The following RGS12 variants were observed in gnomAD, a reference collection of about 807,000 sequenced individuals.
The protein encoded by RGS12 is regulator of G protein signaling 12.
A neutral mutation model predicts 120.1 loss-of-function variants in RGS12; 66 were observed. That is an observed-to-expected ratio of 0.55 (90% confidence interval 0.45 to 0.67). The LOEUF (loss-of-function observed/expected upper bound fraction) is 0.67, where lower values mean the gene tolerates loss of function less well. Among genes scored for constraint, RGS12 ranks in the 30% least tolerant of loss-of-function variants. The probability of loss-of-function intolerance (pLI) is 0.00; values close to 1 mark genes in which losing one functional copy is unlikely to be tolerated. For missense variants in RGS12, 1,859 were observed against 1,957.7 expected (o/e 0.95, Z 0.95); for synonymous variants, 827 against 804.7 (o/e 1.03, Z -0.47).
chr4:3,320,967 AGAG>A (rs1725142062), intron 2 of RGS12, among the ~76,000 whole-genome samples: 1 of 152,172 alleles, frequency 6.6e-6, no homozygotes, highest in Non-Finnish European at 1.5e-5. Context: ...GGGAGAGAGC[AGAG>A]GAGGCCCCTG....
Position 3,382,403 on chromosome 4 carries a change from C to T in RGS12, c.1999-4013C>T, listed in dbSNP as rs139845583. Among the ~76,000 whole-genome samples the T allele has an allele frequency of 7.8e-4, 119 of 152,272 alleles. 1 individual carries two copies. Among genetic ancestry groups the T allele is most frequent in the African/African-American group, 2.4e-3 (101 of 41,552 alleles). ...GACAAGCCCAGCCGTGGCCTGGAAG[C>T]GACACTGATGATTAGTATATCTGTG... On this transcript the variant is annotated intron_variant, in intron 3 of 17. Coordinates refer to ENST00000336727, the MANE Select transcript of RGS12 (RefSeq NM_001394154.1).
In RGS12 at chr4:3,325,374, C is replaced by T. The variant is rs574716204; in HGVS notation, c.1881+7323C>T. Among the ~76,000 whole-genome samples, 6 of 152,108 alleles carry T rather than the reference C, an allele frequency of 3.9e-5. No individual in the cohort carries two copies. In the South Asian group the frequency reaches 1.2e-3, roughly 32 times the overall value. ...TGAAACTCATGTTGAAATGTAATCC[C>T]CAATGTGACAGTATTAAGAGGTGAG... On this transcript the variant is annotated intron_variant, in intron 2 of 17. Coordinates refer to ENST00000336727, the MANE Select transcript of RGS12 (RefSeq NM_001394154.1).
intron 3 of RGS12, among the ~76,000 whole-genome samples, chr4:3,373,933 T>G (rs1299466202): frequency 6.6e-6 from 1 of 152,216 alleles, no homozygotes; most frequent in African/African-American, 2.4e-5. Context: ...TTCTTTTCAT[T>G]AAGAAATTGG....
intron 3 of RGS12, among the ~76,000 whole-genome samples, chr4:3,347,430 T>C (rs149357191): frequency 0.031 from 4,735 of 152,114 alleles, 223 homozygotes; most frequent in African/African-American, 0.1. Flanking sequence ...GGCAACAGAG[T>C]GAGACTCTGT....
At position 3,360,414 on chromosome 4, in the gene RGS12, G is replaced by A. The variant is rs537369853; in HGVS notation, c.1998+17361G>A. Among the ~76,000 whole-genome samples the A allele has an allele frequency of 8.4e-4, 127 of 151,140 alleles. 1 individual carries two copies. Among genetic ancestry groups the A allele is most frequent in the South Asian group, 3.6e-3 (17 of 4,784 alleles). ...CTTTCTTCTTCTAGCTTTGGGTTTC[G>A]TTTTTTGTTTTTTGTTTTTTCCCTA... On this transcript the variant is annotated intron_variant, in intron 3 of 17. Coordinates refer to ENST00000336727, the MANE Select transcript of RGS12 (RefSeq NM_001394154.1).
intron 2 of RGS12, among the ~76,000 whole-genome samples, chr4:3,325,057 A>G (rs544539625): frequency 6.6e-6 from 1 of 152,322 alleles, no homozygotes; most frequent in South Asian, 2.1e-4. Context: ...CTAGTTATAA[A>G]AAAATCTGCC....
intron 3 of RGS12, among the ~76,000 whole-genome samples, chr4:3,351,252 A>G (rs559363139): frequency 1.3e-5 from 2 of 152,284 alleles, no homozygotes; most frequent in South Asian, 2.1e-4. Flanking sequence ...ATTAGTAACA[A>G]ATCTTTTTGT....
chr4:3,428,715 T>A lies in RGS12; in HGVS notation c.3565+4T>A. On this transcript the variant is annotated splice_donor_region_variant and intron_variant, in intron 16 of 17. Coordinates refer to ENST00000336727, the MANE Select transcript of RGS12 (RefSeq NM_001394154.1). Reference sequence around the variant, plus strand: ...ATTAATTTGGACGAAGCAGAGGGTATGTGAACTTTTTAAAACTTCCACGTT... The same window carrying A: ...ATTAATTTGGACGAAGCAGAGGGTAAGTGAACTTTTTAAAACTTCCACGTT... 6.3e-7 allele frequency: 1 copy of A among 1,579,622 alleles called. No individual in the cohort carries two copies. The highest frequency in any genetic ancestry group is 8.5e-7 in the Non-Finnish European group (1 of 1,169,600).
intron 17 of RGS12, chr4:3,431,686 C>T (rs941262347): frequency 2.8e-5 from 28 of 985,486 alleles, no homozygotes; most frequent in Non-Finnish European, 3.1e-5. Context: ...TCCAGGGGTC[C>T]GAGGGCCGTG....
intron 4 of RGS12, among the ~76,000 whole-genome samples, chr4:3,402,874 CAGTT>C (rs1388410986): frequency 6.6e-6 from 1 of 152,190 alleles, no homozygotes; most frequent in East Asian, 1.9e-4. Context: ...TAAATGAAGT[CAGTT>C]AGGGTTGATC....
chr4:3,428,728 A>T lies in RGS12; in HGVS notation c.3565+17A>T. Reference sequence around the variant, plus strand: ...AAGCAGAGGGTATGTGAACTTTTTAAAACTTCCACGTTTTTAGTAAATGCA... The same window carrying T: ...AAGCAGAGGGTATGTGAACTTTTTATAACTTCCACGTTTTTAGTAAATGCA... On this transcript the variant is annotated intron_variant, in intron 16 of 17. Transcript: ENST00000336727. 1 of 1,573,130 alleles carries T rather than the reference A, an allele frequency of 6.4e-7. No individual in the cohort carries two copies. Among genetic ancestry groups the T allele is most frequent in the Non-Finnish European group, 8.6e-7 (1 of 1,165,616 alleles).
chr4:3,315,592 A>G (rs972574641), intron 1 of RGS12, among the ~76,000 whole-genome samples: 2 of 152,246 alleles, frequency 1.3e-5, no homozygotes, highest in Non-Finnish European at 2.9e-5. Flanking sequence ...CTAAGGGGTT[A>G]GACTCAGTGT....
chr4:3,310,688 A>G (rs1394579372), intron 1 of RGS12, among the ~76,000 whole-genome samples: 8 of 138,358 alleles, frequency 5.8e-5, no homozygotes, highest in African/African-American at 1.9e-4. Context: ...ATGAGGTGGG[A>G]GGGGGGTGCC....
intron 3 of RGS12, among the ~76,000 whole-genome samples, chr4:3,375,715 C>T (rs1351957590): frequency 1.5e-5 from 2 of 136,908 alleles, no homozygotes; most frequent in Non-Finnish European, 3.2e-5. Context: ...TCATCTCCAG[C>T]CTCATCTCCA....
chr4:3,426,682 C>G (rs369801479), intron 14 of RGS12: 9 of 152,186 alleles, frequency 5.9e-5, no homozygotes, highest in African/African-American at 2.2e-4. Context: ...CTCATCCTGA[C>G]GCGCAGGAGC....
At chr4:3,311,801 A>G (rs1724417996) in intron 1 of RGS12, among the ~76,000 whole-genome samples, 1 of 152,208 alleles carries the variant, frequency 6.6e-6, no homozygotes, top group South Asian at 2.1e-4. Flanking sequence ...GAAAAAATCC[A>G]CAGCCCTTCT....
chr4:3,301,565 G>A (rs1723688432), intron 1 of RGS12, among the ~76,000 whole-genome samples: 1 of 151,714 alleles, frequency 6.6e-6, no homozygotes, highest in Non-Finnish European at 1.5e-5. Flanking sequence ...GCCAGGGCCA[G>A]GGATGGAGAG....
At position 3,330,422 on chromosome 4, in the gene RGS12, A is replaced by G. The variant is rs191129963; in HGVS notation, c.1881+12371A>G. ...GGGTAACCCCAGTTAAAGTGAGAGA[A>G]TGGACTACAGGCTCCTCCTCCTTGC... On this transcript the variant is annotated intron_variant, in intron 2 of 17. Transcript: ENST00000336727. 2.4e-4 allele frequency among the ~76,000 whole-genome samples: 37 copies of G among 152,318 alleles called. 1 individual carries two copies. The South Asian group carries it at 3.5e-3, about 15-fold the overall frequency.
At chr4:3,387,212 T>G (rs1036804723) in intron 4 of RGS12, among the ~76,000 whole-genome samples, 1 of 152,204 alleles carries the variant, frequency 6.6e-6, no homozygotes, top group African/African-American at 2.4e-5. Context: ...GGGCCAGGGA[T>G]GGGCTGAGGC....
Sources: allele counts gnomAD v4.1 joint callset (sites outside exome capture counted in the v4.1 genomes callset), GRCh38; gene constraint gnomAD v4.1.1; transcripts MANE v1.5; gene names NCBI Gene and HGNC (gene_info 2026-07-23, HGNC 2026-07-21).